BEGAIN: variants seen among roughly 807,000 people sequenced by gnomAD.
BEGAIN encodes brain-enriched guanylate kinase-associated protein.
Under a neutral mutation model 35.8 loss-of-function variants are expected in BEGAIN, and 19 were observed. That is an observed-to-expected ratio of 0.53 (90% CI 0.37 to 0.78). The LOEUF is 0.78. BEGAIN is among the 30% of genes least tolerant of loss of function. The probability of loss-of-function intolerance (pLI) is 0.00; values close to 1 mark genes in which losing one functional copy is unlikely to be tolerated. For synonymous variants in BEGAIN, 462 were observed against 388.6 expected, an observed-to-expected ratio of 1.19 and a Z score of -2.22; for missense variants, 795 against 853.6, an observed-to-expected ratio of 0.93 and a Z score of 0.85.
At chr14:100,578,234 C>T (rs2035245183) in intron 1 of BEGAIN, among the ~76,000 whole-genome samples, 1 of 152,266 alleles carries the variant, frequency 6.6e-6, no homozygotes, top group Non-Finnish European at 1.5e-5. Flanking sequence ...GAGGAGCCCT[C>T]CCTGAGTGAG....
At chr14:100,575,041 G>A (rs2035173000) in intron 1 of BEGAIN, among the ~76,000 whole-genome samples, 1 of 152,226 alleles carries the variant, frequency 6.6e-6, no homozygotes, top group South Asian at 2.1e-4. Context: ...TTGCTGACCA[G>A]TGAAGAGGAG....
intron 2 of BEGAIN, among the ~76,000 whole-genome samples, chr14:100,560,850 G>A (rs2034180377): frequency 6.6e-6 from 1 of 152,176 alleles, no homozygotes; most frequent in African/African-American, 2.4e-5. Flanking sequence ...CTGCTGCTCA[G>A]GACAGACACG....
chr14:100,583,350 C>T (rs190179755), intron 1 of BEGAIN, among the ~76,000 whole-genome samples: 204 of 152,272 alleles, frequency 1.3e-3, no homozygotes, highest in African/African-American at 4.9e-3. Context: ...GACATGTATT[C>T]AAGTATTCAT....
At position 100,568,087 on chromosome 14, in the gene BEGAIN, G is replaced by A; in HGVS notation, c.43-148C>T. 1 of 1,055,200 alleles carries A rather than the reference G, an allele frequency of 9.5e-7. No homozygotes were observed. Among genetic ancestry groups the A allele is most frequent in the Non-Finnish European group, 1.1e-6 (1 of 876,990 alleles). 65.4% of individuals were successfully genotyped at this position (1,055,200 alleles called of 1,614,324 possible). A position where few individuals can be genotyped will look rare whatever the true frequency, so the allele number is the denominator to read the frequency against. ...CGGCGCCGCGCGTCCCCAGCTTCCA[G>A]TCCCGGCCGCGGCCCCCGTGACTCA... On this transcript the variant is annotated intron_variant, in intron 1 of 6. Transcript: ENST00000554140. This position sits in a 1 kb window ranked among gnomAD's most constrained non-coding sequence, Gnocchi z 7.5.
intron 1 of BEGAIN, among the ~76,000 whole-genome samples, chr14:100,570,975 G>A (rs1465642577): frequency 6.6e-6 from 1 of 152,150 alleles, no homozygotes; most frequent in Non-Finnish European, 1.5e-5. Flanking sequence ...TGAGGATGAG[G>A]AGTCTGTGGG....
At chr14:100,584,599 T>G (rs1415667580) in intron 1 of BEGAIN, among the ~76,000 whole-genome samples, 1 of 152,178 alleles carries the variant, frequency 6.6e-6, no homozygotes, top group African/African-American at 2.4e-5. Context: ...CATTCATTCA[T>G]TCCTATAATG....
intron 3 of BEGAIN, chr14:100,545,454 G>T: frequency 2.9e-6 from 3 of 1,040,072 alleles, no homozygotes; most frequent in Non-Finnish European, 3.5e-6. Context: ...GAGCAGGGAA[G>T]AAACTTAACA....
intron 2 of BEGAIN, among the ~76,000 whole-genome samples, chr14:100,560,159 G>C (rs1279242728): frequency 1.3e-5 from 2 of 152,202 alleles, no homozygotes; most frequent in Non-Finnish European, 2.9e-5. Flanking sequence ...GGGCCACTGA[G>C]CTTGGCACTC....
chr14:100,584,374 C>T (rs2035389617), intron 1 of BEGAIN, among the ~76,000 whole-genome samples: 1 of 152,212 alleles, frequency 6.6e-6, no homozygotes, highest in African/African-American at 2.4e-5. Flanking sequence ...TTTTGAGTTC[C>T]CTTCCTGGCT....
intron 2 of BEGAIN, 70 bp from the exon 3 acceptor site, chr14:100,546,732 C>A: frequency 7.1e-7 from 1 of 1,413,990 alleles, no homozygotes; most frequent in South Asian, 1.4e-5. Flanking sequence ...CGCAGGCCAG[C>A]CGGGGCGTGC....
At chr14:100,554,182 G>A (rs111707661) in intron 2 of BEGAIN, among the ~76,000 whole-genome samples, 4,136 of 152,298 alleles carry the variant, frequency 0.027, 164 homozygotes, top group African/African-American at 0.095. Context: ...ATGGGAGCCC[G>A]GAGCTCAGAG....
chr14:100,542,503 A>T (rs1180829532), intron 5 of BEGAIN, among the ~76,000 whole-genome samples: 1 of 152,142 alleles, frequency 6.6e-6, no homozygotes. Flanking sequence ...TGCCCTGGTG[A>T]CATCTCCGCT....
chr14:100,572,032 C>A (rs1183075094), intron 1 of BEGAIN, among the ~76,000 whole-genome samples: 1 of 152,204 alleles, frequency 6.6e-6, no homozygotes, highest in Non-Finnish European at 1.5e-5. Flanking sequence ...TGCAGTGCGT[C>A]TTAATCCCCA....
At chr14:100,564,652 G>C (rs1322854517) in intron 2 of BEGAIN, among the ~76,000 whole-genome samples, 1 of 152,178 alleles carries the variant, frequency 6.6e-6, no homozygotes, top group African/African-American at 2.4e-5. Flanking sequence ...GAGCCAAGGT[G>C]GCCAGGCCAT....
rs1292728767 is a variant in BEGAIN at position 100,563,909 on chromosome 14, C to T, written c.71+4002G>A. Reference sequence around the variant, plus strand: ...CAGAATAGTTTTGGTGAAAAAAAGCCACCCCCAAAACACAGGCTGAAGGAA... The same window carrying T: ...CAGAATAGTTTTGGTGAAAAAAAGCTACCCCCAAAACACAGGCTGAAGGAA... On this transcript the variant is annotated intron_variant, in intron 2 of 6. Transcript: ENST00000554140. The surrounding 1 kb of genome is among the most constrained non-coding windows in gnomAD (Gnocchi z 4.2). 6.6e-6 allele frequency among the ~76,000 whole-genome samples: 1 copy of T among 152,218 alleles called. No homozygotes were observed.
At chr14:100,545,365 C>T in intron 3 of BEGAIN, 1 of 1,238,992 alleles carries the variant, frequency 8.1e-7, no homozygotes, top group Admixed American at 3.8e-5. Context: ...CTGTCCCATC[C>T]ACACGCGGAG....
At chr14:100,540,866 G>A (rs367916242) in intron 5 of BEGAIN, among the ~76,000 whole-genome samples, 3 of 152,344 alleles carry the variant, frequency 2.0e-5, no homozygotes, top group South Asian at 2.1e-4. Flanking sequence ...AAGGTGGGGG[G>A]CAGTGGTAGA....
chr14:100,576,914 A>G (rs1482744343), intron 1 of BEGAIN, among the ~76,000 whole-genome samples: 1 of 151,990 alleles, frequency 6.6e-6, no homozygotes, highest in Non-Finnish European at 1.5e-5. Context: ...GCCCCTCACA[A>G]CCTCAGTTTC....
At position 100,538,083 on chromosome 14, in the gene BEGAIN, C is replaced by A; in HGVS notation, c.1725G>T (p.Met575Ile). The change falls in exon 7 of 7, where the codon ATG becomes ATT. Residue 575 changes from methionine (M) to isoleucine (I), a missense_variant. Around this residue, in one of 3 missense-constraint regions of BEGAIN, gnomAD observed 664 missense variants for 647.7 expected, o/e 1.03. Transcript: ENST00000554140. ...GGGGGCTGAGGCGGGCGGCAGGATG[C>A]ATTTCCGGGGAGGCCTCCATGGAGC... The part of the protein sequence containing the change: ...EPSSMEASPE[M>I]HPAARLSPQQ... 1 of 1,589,588 alleles carries A rather than the reference C, an allele frequency of 6.3e-7. No individual in the cohort carries two copies. The highest frequency in any genetic ancestry group is 8.5e-7 in the Non-Finnish European group (1 of 1,169,850).
Sources: gnomAD v4.1 joint callset for allele counts (sites outside exome capture counted in the v4.1 genomes callset) on GRCh38, gnomAD v4.1.1 for gene constraint, gnomAD v4.1.1 regional missense constraint, Gnocchi (gnomAD v3.1) non-coding constraint, MANE v1.5 for transcripts, NCBI Gene and HGNC (gene_info 2026-07-23, HGNC 2026-07-21) for gene names.